RAB21: variants seen among roughly 807,000 people sequenced by gnomAD.
RAB21 encodes RAB21, member RAS oncogene family.
A neutral mutation model predicts 33.1 loss-of-function variants in RAB21; 13 were observed. That is an observed-to-expected ratio of 0.39 (90% CI 0.26 to 0.62). The LOEUF is 0.62. Ranked by LOEUF, RAB21 falls within the 20% of genes least tolerant of loss-of-function variation. The pLI, the probability that RAB21 is intolerant of heterozygous loss-of-function variation, is 0.48. For synonymous variants in RAB21, 91 were observed against 103.7 expected (o/e 0.88, Z 0.74); for missense variants, 234 against 279.1 (o/e 0.84, Z 1.15).
At chr12:71,776,079 T>G (rs539810471) in intron 4 of RAB21, among the ~76,000 whole-genome samples, 1 of 152,262 alleles carries the variant, frequency 6.6e-6, no homozygotes, top group Admixed American at 6.5e-5. Flanking sequence ...TTGTGTAACT[T>G]TGTGTGGTAT....
At chr12:71,757,677 G>C (rs1362219609) in intron 1 of RAB21, among the ~76,000 whole-genome samples, 2 of 152,136 alleles carry the variant, frequency 1.3e-5, no homozygotes, top group Non-Finnish European at 2.9e-5. Flanking sequence ...ATTTTTCAGA[G>C]GAATTTGATT....
intron 1 of RAB21, among the ~76,000 whole-genome samples, chr12:71,764,453 T>G (rs553723309): frequency 3.2e-4 from 48 of 152,298 alleles, no homozygotes; most frequent in Middle Eastern, 6.8e-3. Flanking sequence ...CTGCTATCTT[T>G]TTTTATAAAT....
At chr12:71,764,905 C>T (rs12300982) in intron 1 of RAB21, among the ~76,000 whole-genome samples, 1 of 152,104 alleles carries the variant, frequency 6.6e-6, no homozygotes, top group Non-Finnish European at 1.5e-5. Context: ...GTGAATTGTG[C>T]TGCAGTAAAC....
Position 71,773,961 on chromosome 12 carries a change from A to T in RAB21, c.330A>T (p.Val110=). 1 of 1,589,098 alleles carries T rather than the reference A, an allele frequency of 6.3e-7. No homozygotes were observed. Among genetic ancestry groups the T allele is most frequent in the Non-Finnish European group, 8.6e-7 (1 of 1,165,830 alleles). The change falls in exon 4 of 7, where the codon GTA becomes GTT. Residue 110 remains valine, a splice_region_variant and synonymous_variant. Coordinates refer to ENST00000261263, the MANE Select transcript of RAB21 (RefSeq NM_014999.4). The part of the protein sequence containing the change: ...DITDEDSFQK[V]KNWVKELRKM... ...TATGTGCTCTTTTGTATATACAGGT[A>T]AAAAACTGGGTCAAAGAATTACGGA...
chr12:71,780,810 T>A (rs1883186629), intron 4 of RAB21, among the ~76,000 whole-genome samples: 1 of 152,228 alleles, frequency 6.6e-6, no homozygotes, highest in African/African-American at 2.4e-5. Context: ...TCTGAAATTG[T>A]CTCCTAGAAT....
chr12:71,798,285 G>A lies in RAB21; in HGVS notation c.*12612G>A, dbSNP rs328717. ...TTTTTAGTAGAGATGGCGTTTCACA[G>A]TGTTGGCCAGTCTGGTCTTGAATTC... On this transcript the variant is annotated 3_prime_UTR_variant, in exon 7 of 7. Transcript: ENST00000261263. 0.28 allele frequency: 43,106 copies of A among 151,792 alleles called. 8,337 individuals are homozygous for A. Among genetic ancestry groups the A allele is most frequent in the African/African-American group, 0.52 (21,287 of 41,318 alleles). 9.4% of individuals were successfully genotyped at this position (151,792 alleles called of 1,614,324 possible).
chr12:71,767,936 C>T (rs1217050921), intron 1 of RAB21, among the ~76,000 whole-genome samples: 1 of 152,020 alleles, frequency 6.6e-6, no homozygotes, highest in Non-Finnish European at 1.5e-5. Flanking sequence ...AATTACACAG[C>T]TAGTATGTGG....
In RAB21 at chr12:71,797,552, A is replaced by G. The variant is rs1883478999; in HGVS notation, c.*11879A>G. ...TACACATTTCAGTTCTCTAAATTGA[A>G]TGCAATCCCAATAAAAATATAAGGA... On this transcript the variant is annotated 3_prime_UTR_variant, in exon 7 of 7. Coordinates refer to ENST00000261263, the MANE Select transcript of RAB21 (RefSeq NM_014999.4). 1 of 149,496 alleles carries G rather than the reference A, an allele frequency of 6.7e-6. No homozygotes were observed. 9.3% of individuals were successfully genotyped at this position (149,496 alleles called of 1,614,324 possible).
At position 71,790,601 on chromosome 12, in the gene RAB21, A is replaced by G. The variant is rs1046923841; in HGVS notation, c.*4928A>G. Reference sequence around the variant, plus strand: ...AAAGAATAAAAAACATATATTGTCAAAGTGCCCTTTGGTAGTGCTCCCAAA... The same window carrying G: ...AAAGAATAAAAAACATATATTGTCAGAGTGCCCTTTGGTAGTGCTCCCAAA... On this transcript the variant is annotated 3_prime_UTR_variant, in exon 7 of 7. Coordinates refer to ENST00000261263, the MANE Select transcript of RAB21 (RefSeq NM_014999.4). The G allele has an allele frequency of 6.6e-6, 1 of 152,182 alleles. No homozygotes were observed. Among genetic ancestry groups the G allele is most frequent in the African/African-American group, 2.4e-5 (1 of 41,442 alleles). 9.4% of individuals were successfully genotyped at this position (152,182 alleles called of 1,614,324 possible).
At chr12:71,784,306 G>A (rs552595461) in intron 6 of RAB21, among the ~76,000 whole-genome samples, 20 of 152,042 alleles carry the variant, frequency 1.3e-4, no homozygotes, top group Non-Finnish European at 2.4e-4. Context: ...GTTTCAGTGA[G>A]GTCCAGTTTA....
At position 71,788,199 on chromosome 12, in the gene RAB21, A is replaced by G. The variant is rs535807249; in HGVS notation, c.*2526A>G. 2.0e-5 allele frequency: 3 copies of G among 152,324 alleles called. No individual in the cohort carries two copies. Among genetic ancestry groups the G allele is most frequent in the Non-Finnish European group, 2.9e-5 (2 of 68,022 alleles). 9.4% of individuals were successfully genotyped at this position (152,324 alleles called of 1,614,324 possible). ...TCTAAAGCCTGATAATTGGAGAGCT[A>G]TACTTCAGCTTTTCATCCTACTTTA... On this transcript the variant is annotated 3_prime_UTR_variant, in exon 7 of 7. Transcript: ENST00000261263.
In RAB21 at chr12:71,785,935, T is replaced by A; in HGVS notation, c.*262T>A. 3.0e-6 allele frequency: 1 copy of A among 328,698 alleles called. No homozygotes were observed. Among genetic ancestry groups the A allele is most frequent in the Non-Finnish European group, 5.6e-6 (1 of 177,128 alleles). The allele number at this position is 328,698 out of a possible 1,614,324, so 20.4% of individuals were successfully genotyped here. A position where few individuals can be genotyped will look rare whatever the true frequency, so the allele number is the denominator to read the frequency against. On this transcript the variant is annotated 3_prime_UTR_variant, in exon 7 of 7. Coordinates refer to ENST00000261263, the MANE Select transcript of RAB21 (RefSeq NM_014999.4). ...GTTTTTTTTTGAGACGGAGTCTCGCTCTGTCACCCAGGCTGGAGTGCACTG... is the reference window on the plus strand; with the variant it reads ...GTTTTTTTTTGAGACGGAGTCTCGCACTGTCACCCAGGCTGGAGTGCACTG...
intron 4 of RAB21, among the ~76,000 whole-genome samples, chr12:71,781,038 G>A (rs1206122538): frequency 6.6e-6 from 1 of 151,876 alleles, no homozygotes; most frequent in Non-Finnish European, 1.5e-5. Flanking sequence ...CTTCATTTTT[G>A]TTCTGATGGC....
chr12:71,773,582 T>A (rs898523164), intron 3 of RAB21, among the ~76,000 whole-genome samples: 12 of 152,200 alleles, frequency 7.9e-5, no homozygotes, highest in Admixed American at 3.3e-4. Flanking sequence ...AATTAGGGTA[T>A]AAAAGACTGT....
chr12:71,769,040 C>G (rs1462164110), intron 1 of RAB21, among the ~76,000 whole-genome samples: 1 of 152,124 alleles, frequency 6.6e-6, no homozygotes, highest in African/African-American at 2.4e-5. Context: ...ATTGACCATA[C>G]CCACTTGGAG....
At chr12:71,773,540 A>G (rs75390619) in intron 3 of RAB21, among the ~76,000 whole-genome samples, 3,505 of 152,250 alleles carry the variant, frequency 0.023, 128 homozygotes, top group East Asian at 0.13. Flanking sequence ...AGTGTGTGAC[A>G]CTGAAGCTCC....
chr12:71,775,782 G>T (rs1022212399), intron 4 of RAB21, among the ~76,000 whole-genome samples: 2 of 152,008 alleles, frequency 1.3e-5, no homozygotes, highest in Non-Finnish European at 2.9e-5. Context: ...TGACCCACCC[G>T]CCTCAGCCTC....
Position 71,754,966 on chromosome 12 carries a change from T to C in RAB21, c.-164T>C. 1 of 598,432 alleles carries C rather than the reference T, an allele frequency of 1.7e-6. No homozygotes were observed. Among genetic ancestry groups the C allele is most frequent in the Non-Finnish European group, 2.1e-6 (1 of 473,214 alleles). The allele number at this position is 598,432 out of a possible 1,614,324, so 37.1% of individuals were successfully genotyped here. The stretch of plus-strand genomic sequence containing the variant: ...GCTGGGGCCCTTCATTCTCGGACTT[T>C]CCCTCAGCCCTTCCAGGCCTCGCCC... On this transcript the variant is annotated 5_prime_UTR_variant, in exon 1 of 7. Transcript: ENST00000261263.
At position 71,788,247 on chromosome 12, in the gene RAB21, T is replaced by C. The variant is rs984250334; in HGVS notation, c.*2574T>C. 1 of 152,260 alleles carries C rather than the reference T, an allele frequency of 6.6e-6. No individual in the cohort carries two copies. The highest frequency in any genetic ancestry group is 1.5e-5 in the Non-Finnish European group (1 of 68,042). 9.4% of individuals were successfully genotyped at this position (152,260 alleles called of 1,614,324 possible). On this transcript the variant is annotated 3_prime_UTR_variant, in exon 7 of 7. Coordinates refer to ENST00000261263, the MANE Select transcript of RAB21 (RefSeq NM_014999.4). ...TTAATGAAACAGCTAGATAGGAACC[T>C]CTGCTCCAGAATTGCCAGATAATTA...
Sources: allele counts gnomAD v4.1 joint callset (sites outside exome capture counted in the v4.1 genomes callset), GRCh38; gene constraint gnomAD v4.1.1; transcripts MANE v1.5; gene names NCBI Gene and HGNC (gene_info 2026-07-23, HGNC 2026-07-21).